Variants in AJAP1 observed in about 807,000 individuals in gnomAD.
The protein encoded by AJAP1 is adherens junctions associated protein 1, also known as adherens junction-associated protein 1.
Under a neutral mutation model 35.0 loss-of-function variants are expected in AJAP1, and 5 were observed. The ratio of observed to expected loss-of-function variants is 0.14; its 90% CI spans 0.07 to 0.30. The LOEUF (loss-of-function observed/expected upper bound fraction) is 0.30. AJAP1 is among the 10% of genes least tolerant of loss of function. The pLI is 1.00. For synonymous variants in AJAP1, 284 were observed against 249.3 expected, an observed-to-expected ratio of 1.14 and a Z score of -1.31; for missense variants, 586 against 571.0, an observed-to-expected ratio of 1.03 and a Z score of -0.27.
chr1:4,662,492 T>C (rs1213541776), intron 1 of AJAP1, among the ~76,000 whole-genome samples: 1 of 152,192 alleles, frequency 6.6e-6, no homozygotes, highest in African/African-American at 2.4e-5. Flanking sequence ...TGATGCACCG[T>C]TGGGTTGTTG....
In AJAP1 at chr1:4,655,507, G is replaced by A; in HGVS notation, c.29+53G>A. ...GTGTGGGCGCGTGGGTGCCAGGCTG[G>A]GCGGAAGCGGCGCTTTCCTCTATGT... On this transcript the variant is annotated intron_variant, in intron 1 of 5. Coordinates refer to ENST00000378191, the MANE Select transcript of AJAP1 (RefSeq NM_018836.4). This position sits in a 1 kb window ranked among gnomAD's most constrained non-coding sequence, Gnocchi z 6.9. The A allele has an allele frequency of 6.5e-7, 1 of 1,544,380 alleles. No homozygotes were observed. The highest frequency in any genetic ancestry group is 8.8e-7 in the Non-Finnish European group (1 of 1,141,652).
chr1:4,769,142 T>C (rs950762344), intron 2 of AJAP1, among the ~76,000 whole-genome samples: 2 of 152,114 alleles, frequency 1.3e-5, no homozygotes, highest in African/African-American at 4.8e-5. Context: ...CATTCAGGTA[T>C]TGGGGCCAGG....
rs1284498006 is a variant in AJAP1 at position 4,787,546 on chromosome 1, G to C, written c.*5061G>C. The C allele has an allele frequency of 2.6e-6, 1 of 390,930 alleles. No individual in the cohort carries two copies. Among genetic ancestry groups the C allele is most frequent in the Non-Finnish European group, 5.1e-6 (1 of 195,322 alleles). 24.2% of individuals were successfully genotyped at this position (390,930 alleles called of 1,614,324 possible). A position where few individuals can be genotyped will look rare whatever the true frequency, so the allele number is the denominator to read the frequency against. ...GAAGATAAGACATCGCAGTTGTTAC[G>C]ACGCCTGGTTCTCCACCAAATTCCT... On this transcript the variant is annotated 3_prime_UTR_variant, in exon 6 of 6. Transcript: ENST00000378191.
intron 1 of AJAP1, among the ~76,000 whole-genome samples, chr1:4,688,670 G>T (rs1475919074): frequency 2.7e-5 from 4 of 150,814 alleles, no homozygotes; most frequent in Non-Finnish European, 4.4e-5. Flanking sequence ...TACTCAGGAG[G>T]TTGAGACAGG....
chr1:4,790,611 A>G lies in AJAP1; in HGVS notation c.*8126A>G, dbSNP rs1426885240. 2.6e-5 allele frequency: 4 copies of G among 152,154 alleles called. No homozygotes were observed. Among genetic ancestry groups the G allele is most frequent in the African/African-American group, 9.7e-5 (4 of 41,424 alleles). 9.4% of individuals were successfully genotyped at this position (152,154 alleles called of 1,614,324 possible). A position where few individuals can be genotyped will look rare whatever the true frequency, so the allele number is the denominator to read the frequency against. On this transcript the variant is annotated 3_prime_UTR_variant, in exon 6 of 6. Transcript: ENST00000378191. ...TGTTTTGTTCTATTTCTTGTTTTTC[A>G]CTAGCGTTTGCGTTGCTTCCTCTGA...
intron 2 of AJAP1, among the ~76,000 whole-genome samples, chr1:4,733,212 A>G (rs1372463252): frequency 6.6e-6 from 1 of 151,624 alleles, no homozygotes; most frequent in Non-Finnish European, 1.5e-5. Context: ...CAGGGTTTTC[A>G]CGTGATTTTT....
chr1:4,686,154 T>C (rs242043), intron 1 of AJAP1, among the ~76,000 whole-genome samples: 25,894 of 152,262 alleles, frequency 0.17, 2,757 homozygotes, highest in Middle Eastern at 0.34. Context: ...TCCTCACGTC[T>C]TCCTTGAAGC....
At position 4,784,807 on chromosome 1, in the gene AJAP1, A is replaced by C. The variant is rs1178487403; in HGVS notation, c.*2322A>C. Reference sequence around the variant, plus strand: ...CTCCAGGTTCCTGGCACTCACCTGCATGGCGCTCCAGCCTGCAGCTCTCTC... The same window carrying C: ...CTCCAGGTTCCTGGCACTCACCTGCCTGGCGCTCCAGCCTGCAGCTCTCTC... On this transcript the variant is annotated 3_prime_UTR_variant, in exon 6 of 6. Coordinates refer to ENST00000378191, the MANE Select transcript of AJAP1 (RefSeq NM_018836.4). 1 of 152,272 alleles carries C rather than the reference A, an allele frequency of 6.6e-6. No homozygotes were observed. The highest frequency in any genetic ancestry group is 1.5e-5 in the Non-Finnish European group (1 of 68,064). 9.4% of individuals were successfully genotyped at this position (152,272 alleles called of 1,614,324 possible).
At chr1:4,752,502 G>A (rs562849559) in intron 2 of AJAP1, among the ~76,000 whole-genome samples, 19 of 152,262 alleles carry the variant, frequency 1.2e-4, no homozygotes, top group African/African-American at 3.8e-4. Context: ...GGGACCGAGT[G>A]GTCCACCTGG....
chr1:4,778,864 T>C (rs1171435065), intron 5 of AJAP1, among the ~76,000 whole-genome samples: 1 of 152,124 alleles, frequency 6.6e-6, no homozygotes, highest in Non-Finnish European at 1.5e-5. Flanking sequence ...AGGACAAAAC[T>C]GCTTCACACC....
intron 1 of AJAP1, among the ~76,000 whole-genome samples, chr1:4,672,974 A>G (rs113077651): frequency 0.033 from 5,099 of 152,272 alleles, 113 homozygotes; most frequent in Non-Finnish European, 0.052. Flanking sequence ...AAAAGGATCA[A>G]CACAGCATCA....
Position 4,772,545 on chromosome 1 carries a change from G to C in AJAP1, c.1163+20G>C. 6.2e-7 allele frequency: 1 copy of C among 1,610,534 alleles called. No individual in the cohort carries two copies. On this transcript the variant is annotated intron_variant, in intron 4 of 5. Coordinates refer to ENST00000378191, the MANE Select transcript of AJAP1 (RefSeq NM_018836.4). ...AAACCGGTAAGCTCGGGCTCTGCTA[G>C]ACCCTGCAGCTGTGAAGCTCTTGGT...
intron 2 of AJAP1, among the ~76,000 whole-genome samples, chr1:4,726,068 C>A (rs1002130178): frequency 9.2e-5 from 14 of 152,176 alleles, no homozygotes; most frequent in African/African-American, 2.9e-4. Context: ...GCAGAGGGCC[C>A]CAGGAGACCT....
chr1:4,709,992 G>A (rs972860013), intron 1 of AJAP1, among the ~76,000 whole-genome samples: 2 of 152,024 alleles, frequency 1.3e-5, no homozygotes, highest in Non-Finnish European at 1.5e-5. Flanking sequence ...AACAGAGGGC[G>A]TGCCCCCAGG....
chr1:4,732,337 G>A (rs1048951531), intron 2 of AJAP1, among the ~76,000 whole-genome samples: 4 of 152,262 alleles, frequency 2.6e-5, no homozygotes, highest in Non-Finnish European at 5.9e-5. Flanking sequence ...ACCTGGCATG[G>A]CTGAGGTGTC....
chr1:4,664,381 C>T (rs1414463275), intron 1 of AJAP1, among the ~76,000 whole-genome samples: 1 of 152,196 alleles, frequency 6.6e-6, no homozygotes, highest in Non-Finnish European at 1.5e-5. Flanking sequence ...CATGGATGCC[C>T]ATGGTATGGA....
intron 1 of AJAP1, among the ~76,000 whole-genome samples, chr1:4,685,181 C>T (rs1271895108): frequency 6.6e-6 from 1 of 152,200 alleles, no homozygotes; most frequent in Admixed American, 6.5e-5. Context: ...TGTCCACAAC[C>T]AGGAGCTGTG....
At chr1:4,735,200 C>T (rs1020466153) in intron 2 of AJAP1, among the ~76,000 whole-genome samples, 1 of 152,244 alleles carries the variant, frequency 6.6e-6, no homozygotes, top group African/African-American at 2.4e-5. Flanking sequence ...GGCCTCCTGG[C>T]TGCTAGAAGA....
At chr1:4,770,076 G>A (rs1026829619) in intron 3 of AJAP1, 136 bp downstream of exon 3, 3 of 782,762 alleles carry the variant, frequency 3.8e-6, no homozygotes, top group African/African-American at 3.4e-5. Context: ...AGCTGCCACA[G>A]GCTGCTCACC....
Sources: allele counts gnomAD v4.1 joint callset (sites outside exome capture counted in the v4.1 genomes callset), GRCh38; gene constraint gnomAD v4.1.1; non-coding constraint Gnocchi (gnomAD v3.1); transcripts MANE v1.5; gene names NCBI Gene and HGNC (gene_info 2026-07-23, HGNC 2026-07-21).